Variants in TP53TG5 observed in about 807,000 individuals in gnomAD.
The protein encoded by TP53TG5 is TP53 target 5.
A neutral mutation model predicts 30.0 loss-of-function variants in TP53TG5; 17 were observed. The ratio of observed to expected loss-of-function variants is 0.57; its 90% CI spans 0.39 to 0.85. The LOEUF (loss-of-function observed/expected upper bound fraction) is 0.85. Among genes scored for constraint, TP53TG5 ranks in the 40% least tolerant of loss-of-function variants. The pLI, the probability that TP53TG5 is intolerant of heterozygous loss-of-function variation, is 0.00. For synonymous variants in TP53TG5, 137 were observed against 139.2 expected, an observed-to-expected ratio of 0.98 and a Z score of 0.11; for missense variants, 338 against 367.9, an observed-to-expected ratio of 0.92 and a Z score of 0.67.
At position 45,375,476 on chromosome 20, in the gene TP53TG5, T is replaced by G. The variant is rs765273581; in HGVS notation, c.331A>C (p.Lys111Gln). The G allele has an allele frequency of 1.2e-6, 2 of 1,613,928 alleles. No individual in the cohort carries two copies. Among genetic ancestry groups the G allele is most frequent in the East Asian group, 4.5e-5 (2 of 44,864 alleles). The change falls in exon 4 of 5, where the codon AAG (lysine) becomes CAG (glutamine). Residue 111 changes from lysine (K) to glutamine (Q), a missense_variant. Physicochemically the swap from Lys to Gln is moderately conservative, Grantham distance 53. Coordinates refer to ENST00000372726, the MANE Select transcript of TP53TG5 (RefSeq NM_014477.3). ...CCTGTGGACTCTAATTTCTTGGACT[T>G]GAGTTCCTTCTCGGAGCACCCGATC... ...QEIGCSEKEL[K>Q]SKKLESTGDP...
At chr20:45,375,634 G>A (rs1339859997) in intron 3 of TP53TG5, 82 bp from the exon 4 acceptor site, 1 of 1,510,596 alleles carries the variant, frequency 6.6e-7, no homozygotes, top group African/African-American at 1.4e-5. Flanking sequence ...CCAGCTCAGG[G>A]GAGCCTGTTA....
intron 3 of TP53TG5, chr20:45,376,909 G>A: frequency 3.6e-6 from 1 of 278,196 alleles, no homozygotes; most frequent in Non-Finnish European, 6.9e-6. Flanking sequence ...GTCTGTCTCA[G>A]TGCCCCAGGG....
At chr20:45,377,943 A>ATCC in intron 1 of TP53TG5, among the ~76,000 whole-genome samples, 1 of 152,304 alleles carries the variant, frequency 6.6e-6, no homozygotes, top group Admixed American at 6.5e-5. Context: ...CACTGGAGGA[A>ATCC]TCCTCCTGAA....
chr20:45,374,881 G>A (rs1483912850), intron 4 of TP53TG5, 158 bp downstream of exon 4: 1 of 993,836 alleles, frequency 1.0e-6, no homozygotes, highest in Non-Finnish European at 1.5e-6. Context: ...TTGGTCTAAG[G>A]CTTCCCCCTC....
At chr20:45,374,508 G>T (rs1988661663) in intron 4 of TP53TG5, 1 of 533,552 alleles carries the variant, frequency 1.9e-6, no homozygotes, top group Non-Finnish European at 3.3e-6. Flanking sequence ...CTGGCCTCAA[G>T]CAGTCTTCCT....
At chr20:45,377,171 A>C in intron 3 of TP53TG5, 41 bp downstream of exon 3, 1 of 1,608,356 alleles carries the variant, frequency 6.2e-7, no homozygotes, top group Non-Finnish European at 8.5e-7. Context: ...TCCCAGAAAG[A>C]CGGCATTTGG....
chr20:45,374,358 G>T lies in TP53TG5; in HGVS notation c.769-347C>A. On this transcript the variant is annotated intron_variant, in intron 4 of 4. Transcript: ENST00000372726. ...CGAAGTCACAGCTCACTGCAGCCTC[G>T]ACTCCTGGGCTTAAGCGATCCTCCG... 6 of 662,502 alleles carry T rather than the reference G, an allele frequency of 9.1e-6. No homozygotes were observed. The South Asian group carries it at 1.0e-4, about 11-fold the overall frequency. The allele number at this position is 662,502 out of a possible 1,614,324, so 41.0% of individuals were successfully genotyped here. A position where few individuals can be genotyped will look rare whatever the true frequency, so the allele number is the denominator to read the frequency against.
chr20:45,377,173 G>A (rs762897962), intron 3 of TP53TG5, 39 bp downstream of exon 3: 28 of 1,608,890 alleles, frequency 1.7e-5, no homozygotes, highest in Middle Eastern at 2.1e-4. Context: ...CCAGAAAGAC[G>A]GCATTTGGGT....
intron 2 of TP53TG5, 36 bp downstream of exon 2, chr20:45,377,503 G>A: frequency 6.2e-7 from 1 of 1,612,680 alleles, no homozygotes; most frequent in Non-Finnish European, 8.5e-7. Context: ...GAGTATATGA[G>A]CTTCCCCAAG....
intron 3 of TP53TG5, 126 bp downstream of exon 3, chr20:45,377,086 G>A: frequency 7.8e-7 from 1 of 1,284,486 alleles, no homozygotes; most frequent in South Asian, 1.4e-5. Flanking sequence ...GTAAAATAGA[G>A]TTAATAAATA....
chr20:45,375,693 C>T, intron 3 of TP53TG5, 141 bp from the exon 4 acceptor site: 1 of 1,048,802 alleles, frequency 9.5e-7, no homozygotes, highest in Non-Finnish European at 1.4e-6. Flanking sequence ...GCCCAGAGGC[C>T]TTGTGCTGGT....
chr20:45,377,260 C>T lies in TP53TG5; in HGVS notation c.206G>A (p.Cys69Tyr). ...IQELHKLAKRCWHSLLSVPKI... is the reference protein window; with the variant it reads ...IQELHKLAKRYWHSLLSVPKI... ...TGGAACACTGAGCAGTGAATGCCAA[C>T]ACCTTTTGGCCAGCTTATGCAGTTC... The change falls in exon 3 of 5, where the codon TGT (cysteine) becomes TAT (tyrosine). Residue 69 changes from cysteine to tyrosine, a missense_variant. Transcript: ENST00000372726. 6.2e-7 allele frequency: 1 copy of T among 1,614,166 alleles called. No homozygotes were observed. The highest frequency in any genetic ancestry group is 1.7e-5 in the Admixed American group (1 of 60,028).
In TP53TG5 at chr20:45,374,888, C is replaced by T. The variant is rs527282231; in HGVS notation, c.768+151G>A. ...GTATGATGTTGGTCTAAGGCTTCCC[C>T]CTCTCTGGACATGAAGGCGGAGCCT... On this transcript the variant is annotated intron_variant, in intron 4 of 4. Coordinates refer to ENST00000372726, the MANE Select transcript of TP53TG5 (RefSeq NM_014477.3). 163 of 1,068,660 alleles carry T rather than the reference C, an allele frequency of 1.5e-4. No individual in the cohort carries two copies. The African/African-American group carries it at 1.9e-3, about 13-fold the overall frequency. The allele number at this position is 1,068,660 out of a possible 1,614,324, so 66.2% of individuals were successfully genotyped here.
At chr20:45,375,722 C>T in intron 3 of TP53TG5, 170 bp from the exon 4 acceptor site, 3 of 750,732 alleles carry the variant, frequency 4.0e-6, no homozygotes. Context: ...GTGTGATGAG[C>T]ACTAGCAGAG....
intron 1 of TP53TG5, 80 bp downstream of exon 1, chr20:45,378,109 G>A: frequency 6.3e-7 from 1 of 1,589,840 alleles, no homozygotes; most frequent in Non-Finnish European, 8.6e-7. Context: ...ATGCTGGAAA[G>A]CCCCTTTCCT....
chr20:45,373,837 T>C lies in TP53TG5; in HGVS notation c.*70A>G. ...CTCCCTCTACCGAAGGCCTCTTTCC[T>C]TCATCCTTCCCAGCCCCAGACAAAC... On this transcript the variant is annotated 3_prime_UTR_variant, in exon 5 of 5. Transcript: ENST00000372726. 1 of 1,495,866 alleles carries C rather than the reference T, an allele frequency of 6.7e-7. No individual in the cohort carries two copies. The highest frequency in any genetic ancestry group is 9.3e-7 in the Non-Finnish European group (1 of 1,074,008). The allele number at this position is 1,495,866 out of a possible 1,614,324, so 92.7% of individuals were successfully genotyped here.
At position 45,373,252 on chromosome 20, in the gene TP53TG5, C is replaced by T. The variant is rs1988611796; in HGVS notation, c.*655G>A. On this transcript the variant is annotated 3_prime_UTR_variant, in exon 5 of 5. Coordinates refer to ENST00000372726, the MANE Select transcript of TP53TG5 (RefSeq NM_014477.3). ...GTCTTCAGATTGAGGGTGGACCTGC[C>T]ATGTCACCCTGGAGCAGTAGAGATG... 6.5e-6 allele frequency: 1 copy of T among 153,616 alleles called. No individual in the cohort carries two copies. The highest frequency in any genetic ancestry group is 1.5e-5 in the Non-Finnish European group (1 of 68,920). The allele number at this position is 153,616 out of a possible 1,614,324, so 9.5% of individuals were successfully genotyped here. A position where few individuals can be genotyped will look rare whatever the true frequency, so the allele number is the denominator to read the frequency against.
At chr20:45,377,419 G>C (rs1273165992) in intron 2 of TP53TG5, 77 bp from the exon 3 acceptor site, 1 of 1,610,224 alleles carries the variant, frequency 6.2e-7, no homozygotes, top group Non-Finnish European at 8.5e-7. Flanking sequence ...CCTGCCTCTG[G>C]CTCCGCTCAG....
chr20:45,375,711 G>A lies in TP53TG5; in HGVS notation c.255-159C>T, dbSNP rs553172143. On this transcript the variant is annotated intron_variant, in intron 3 of 4. Coordinates refer to ENST00000372726, the MANE Select transcript of TP53TG5 (RefSeq NM_014477.3). ...CAGAGGCCTTGTGCTGGTGTGAGGA[G>A]GTGTGATGAGCACTAGCAGAGGGAT... 72 of 830,580 alleles carry A rather than the reference G, an allele frequency of 8.7e-5. No individual in the cohort carries two copies. In the African/African-American group the frequency reaches 1.1e-3, roughly 12 times the overall value. The allele number at this position is 830,580 out of a possible 1,614,324, so 51.5% of individuals were successfully genotyped here.
Sources: allele counts gnomAD v4.1 joint callset (sites outside exome capture counted in the v4.1 genomes callset), GRCh38; gene constraint gnomAD v4.1.1; transcripts MANE v1.5; gene names NCBI Gene and HGNC (gene_info 2026-07-23, HGNC 2026-07-21).